GLIS3: variants seen among roughly 807,000 people sequenced by gnomAD.
GLIS3 encodes GLIS family zinc finger 3.
Under a neutral mutation model 78.6 loss-of-function variants are expected in GLIS3, and 53 were observed. That is an observed-to-expected ratio of 0.67 (90% CI 0.54 to 0.85). GLIS3 has a LOEUF of 0.85. GLIS3 is among the 40% of genes least tolerant of loss of function. The probability of loss-of-function intolerance (pLI) is 0.00; values close to 1 mark genes in which losing one functional copy is unlikely to be tolerated. For synonymous variants in GLIS3, 684 were observed against 509.9 expected (o/e 1.34, Z -4.60); for missense variants, 1,703 against 1,231.1 (o/e 1.38, Z -5.74).
chr9:4,291,146 C>T (rs1301732255), intron 1 of GLIS3, among the ~76,000 whole-genome samples: 2 of 152,110 alleles, frequency 1.3e-5, no homozygotes, highest in East Asian at 1.9e-4. Flanking sequence ...CAAGGCCTAA[C>T]GTTGGTAATT....
intron 8 of GLIS3, among the ~76,000 whole-genome samples, chr9:3,873,447 A>T (rs1333590904): frequency 6.6e-6 from 1 of 152,210 alleles, no homozygotes; most frequent in Non-Finnish European, 1.5e-5. Flanking sequence ...ATATAACATC[A>T]AGAGAATGGG....
intron 2 of GLIS3, among the ~76,000 whole-genome samples, chr9:4,270,891 GTGTGTGTGTGTGT>G (rs1826440735): frequency 8.5e-3 from 2 of 236 alleles, no homozygotes; most frequent in Admixed American, 0.029. Context: ...TCTGTGTGGT[GTGTGTGTGTGTGT>G]GTGTGTGTGT....
At chr9:4,024,350 A>C (rs896113741) in intron 4 of GLIS3, among the ~76,000 whole-genome samples, 1 of 152,204 alleles carries the variant, frequency 6.6e-6, no homozygotes, top group African/African-American at 2.4e-5. Flanking sequence ...ATCAAAATGA[A>C]GGTCATGATA....
At chr9:4,117,014 T>C (rs1375762313) in intron 4 of GLIS3, among the ~76,000 whole-genome samples, 2 of 152,136 alleles carry the variant, frequency 1.3e-5, no homozygotes, top group Non-Finnish European at 2.9e-5. Flanking sequence ...TAGTAAATTT[T>C]GCCAAGAAAC....
intron 9 of GLIS3, among the ~76,000 whole-genome samples, chr9:3,844,486 G>A (rs1818918915): frequency 1.3e-5 from 2 of 152,140 alleles, no homozygotes; most frequent in Non-Finnish European, 2.9e-5. Context: ...AAGAACATTT[G>A]CTTCTAGAAA....
chr9:3,839,127 G>A (rs1209472431), intron 9 of GLIS3, among the ~76,000 whole-genome samples: 1 of 152,112 alleles, frequency 6.6e-6, no homozygotes, highest in African/African-American at 2.4e-5. Flanking sequence ...CTGTAAGCAG[G>A]TACTTCAAAC....
At chr9:3,871,330 G>C (rs1820955353) in intron 8 of GLIS3, among the ~76,000 whole-genome samples, 2 of 152,174 alleles carry the variant, frequency 1.3e-5, no homozygotes, top group African/African-American at 4.8e-5. Context: ...CTGGGGTCTG[G>C]AGGACAGTGA....
At chr9:3,981,388 G>C (rs1178515629) in intron 4 of GLIS3, among the ~76,000 whole-genome samples, 2 of 152,144 alleles carry the variant, frequency 1.3e-5, no homozygotes, top group Non-Finnish European at 2.9e-5. Flanking sequence ...AGCTTCCAAG[G>C]CTGTAATTTA....
intron 2 of GLIS3, among the ~76,000 whole-genome samples, chr9:4,138,053 C>A (rs1833533581): frequency 6.6e-6 from 1 of 152,240 alleles, no homozygotes; most frequent in South Asian, 2.1e-4. Flanking sequence ...CTGTGCTACA[C>A]TATATACTCT....
intron 4 of GLIS3, among the ~76,000 whole-genome samples, chr9:4,082,045 G>A (rs1457877801): frequency 6.6e-6 from 1 of 152,174 alleles, no homozygotes; most frequent in Non-Finnish European, 1.5e-5. Context: ...ATCGGAATGG[G>A]AGCCCCAGAC....
At chr9:4,013,441 G>T (rs1008978359) in intron 4 of GLIS3, among the ~76,000 whole-genome samples, 3 of 152,150 alleles carry the variant, frequency 2.0e-5, no homozygotes, top group Admixed American at 6.5e-5. Context: ...ATAATCAATT[G>T]TCTGTCCTTG....
At chr9:4,196,177 T>C (rs990423401) in intron 2 of GLIS3, among the ~76,000 whole-genome samples, 1 of 152,160 alleles carries the variant, frequency 6.6e-6, no homozygotes, top group Non-Finnish European at 1.5e-5. Flanking sequence ...AGGAGAACTT[T>C]CATGTCTAGC....
intron 4 of GLIS3, among the ~76,000 whole-genome samples, chr9:4,042,270 T>C (rs1221654130): frequency 1.3e-5 from 2 of 152,190 alleles, no homozygotes; most frequent in Non-Finnish European, 2.9e-5. Flanking sequence ...CATTTGCAAG[T>C]ATCCAAGATG....
chr9:3,914,401 A>C (rs472399), intron 6 of GLIS3, among the ~76,000 whole-genome samples: 120,813 of 150,764 alleles, frequency 0.8, 48,871 homozygotes, highest in African/African-American at 0.89. Context: ...TCCTGGGCTC[A>C]AGTGATCCTC....
chr9:4,489,673 G>C, the GLIS3 span, among the ~76,000 whole-genome samples: 1 of 152,198 alleles, frequency 6.6e-6, no homozygotes, highest in Non-Finnish European at 1.5e-5. Context: ...GACCTTAGGG[G>C]ATGGACCGCC....
chr9:4,188,408 T>C (rs1216673719), intron 2 of GLIS3, among the ~76,000 whole-genome samples: 12 of 149,314 alleles, frequency 8.0e-5, no homozygotes, highest in Non-Finnish European at 8.9e-5. Context: ...CAGTATTTTA[T>C]TGAGGATTTT....
intron 2 of GLIS3, among the ~76,000 whole-genome samples, chr9:4,220,683 C>T (rs1821254627): frequency 6.6e-6 from 1 of 151,350 alleles, no homozygotes; most frequent in African/African-American, 2.4e-5. Context: ...GAGCCAGGAG[C>T]CAGGGGTTCA....
At chr9:3,831,954 G>A (rs1198601553) in intron 9 of GLIS3, among the ~76,000 whole-genome samples, 1 of 151,012 alleles carries the variant, frequency 6.6e-6, no homozygotes, top group African/African-American at 2.5e-5. Context: ...TTGTCTTTGG[G>A]TATTTTTTTT....
chr9:4,177,381 A>G (rs1816903763), intron 2 of GLIS3, among the ~76,000 whole-genome samples: 1 of 152,214 alleles, frequency 6.6e-6, no homozygotes, highest in Non-Finnish European at 1.5e-5. Context: ...AACTAGTTAG[A>G]ACACTTGGGG....
Sources: gnomAD v4.1 joint callset for allele counts (sites outside exome capture counted in the v4.1 genomes callset) on GRCh38, gnomAD v4.1.1 for gene constraint, MANE v1.5 for transcripts, NCBI Gene and HGNC (gene_info 2026-07-23, HGNC 2026-07-21) for gene names.